The following MFAP3L variants were observed in gnomAD, a reference collection of about 807,000 sequenced individuals.
MFAP3L encodes microfibril associated protein 3 like.
Under a neutral mutation model 20.0 loss-of-function variants are expected in MFAP3L, and 5 were observed. That is an observed-to-expected ratio of 0.25 (90% CI 0.13 to 0.53). The LOEUF is 0.53. Ranked by LOEUF, MFAP3L falls within the 20% of genes least tolerant of loss-of-function variation. The probability of loss-of-function intolerance (pLI) is 0.96; values close to 1 mark genes in which losing one functional copy is unlikely to be tolerated. For synonymous variants in MFAP3L, 219 were observed against 213.0 expected (o/e 1.03, Z -0.25); for missense variants, 409 against 527.5 (o/e 0.78, Z 2.20).
chr4:170,021,347 T>C (rs370482111), intron 1 of MFAP3L, among the ~76,000 whole-genome samples: 6 of 152,368 alleles, frequency 3.9e-5, no homozygotes, highest in East Asian at 3.9e-4. Context: ...CAACCTGGTT[T>C]TTCCCTATTA....
intron 2 of MFAP3L, among the ~76,000 whole-genome samples, chr4:169,999,145 T>C (rs1488552457): frequency 6.6e-6 from 1 of 152,198 alleles, no homozygotes; most frequent in East Asian, 1.9e-4. Context: ...AGGTTATGAA[T>C]CCCAGAAGCT....
intron 1 of MFAP3L, among the ~76,000 whole-genome samples, chr4:170,024,442 C>A (rs1215165603): frequency 6.6e-6 from 1 of 152,162 alleles, no homozygotes; most frequent in African/African-American, 2.4e-5. Flanking sequence ...GGAATGTCAC[C>A]TGAGGATATG....
intron 1 of MFAP3L, among the ~76,000 whole-genome samples, chr4:170,016,280 GATTCACAGCCTCCAT>G (rs1310501549): frequency 2.0e-5 from 3 of 152,310 alleles, no homozygotes; most frequent in African/African-American, 7.2e-5. Context: ...GCCTCTGACA[GATTCACAGCCTCCAT>G]ATCCAACCTC....
chr4:169,988,715 AAGG>A lies in MFAP3L; in HGVS notation c.*2660_*2662del, dbSNP rs1347299227. Reference sequence around the variant, plus strand: ...GATAGGAAGAGTGTAGCATTTTTGGAAGGAGAAATTCCCATTTTAAGTCAACCT... The same window carrying A: ...GATAGGAAGAGTGTAGCATTTTTGGAAGAAATTCCCATTTTAAGTCAACCT... On this transcript the variant is annotated 3_prime_UTR_variant, in exon 3 of 3. Transcript: ENST00000361618. 6.6e-6 allele frequency: 1 copy of A among 152,154 alleles called. No individual in the cohort carries two copies. Among genetic ancestry groups the A allele is most frequent in the Non-Finnish European group, 1.5e-5 (1 of 68,032 alleles). 9.4% of individuals were successfully genotyped at this position (152,154 alleles called of 1,614,324 possible).
intron 1 of MFAP3L, among the ~76,000 whole-genome samples, chr4:170,011,011 A>G (rs1032982570): frequency 2.0e-5 from 3 of 152,178 alleles, no homozygotes; most frequent in Non-Finnish European, 4.4e-5. Flanking sequence ...GGTTTCCACC[A>G]TATTGTTCTT....
chr4:169,996,569 T>C (rs1372555733), intron 2 of MFAP3L, among the ~76,000 whole-genome samples: 6 of 152,048 alleles, frequency 3.9e-5, no homozygotes, highest in African/African-American at 1.2e-4. Flanking sequence ...CCAGATCCGC[T>C]GGCACAGGTA....
intron 1 of MFAP3L, among the ~76,000 whole-genome samples, chr4:170,014,059 C>G (rs1739549482): frequency 6.6e-6 from 1 of 152,186 alleles, no homozygotes; most frequent in Non-Finnish European, 1.5e-5. Context: ...TCACATTTTT[C>G]TTTGATCTTT....
chr4:169,995,988 G>A (rs1738127639), intron 2 of MFAP3L, among the ~76,000 whole-genome samples: 1 of 151,796 alleles, frequency 6.6e-6, no homozygotes, highest in African/African-American at 2.4e-5. Flanking sequence ...CCTGTCCCTT[G>A]AGCAGACTGT....
intron 1 of MFAP3L, among the ~76,000 whole-genome samples, chr4:170,016,198 A>G (rs1238200803): frequency 7.2e-5 from 11 of 152,194 alleles, no homozygotes; most frequent in Non-Finnish European, 5.9e-5. Context: ...AAATTATTAT[A>G]ATGTACATTT....
At chr4:170,022,844 A>C (rs1581531668) in intron 1 of MFAP3L, among the ~76,000 whole-genome samples, 1 of 152,188 alleles carries the variant, frequency 6.6e-6, no homozygotes, top group East Asian at 1.9e-4. Context: ...GGCTTCCCAA[A>C]GGAACAAGGC....
At chr4:170,015,020 G>A (rs1236123405) in intron 1 of MFAP3L, among the ~76,000 whole-genome samples, 3 of 152,178 alleles carry the variant, frequency 2.0e-5, no homozygotes, top group Admixed American at 2.0e-4. Flanking sequence ...TTCACTGCAG[G>A]TCTCCTGCAG....
chr4:170,020,319 T>C (rs966045710), intron 1 of MFAP3L, among the ~76,000 whole-genome samples: 4 of 152,082 alleles, frequency 2.6e-5, no homozygotes, highest in African/African-American at 7.2e-5. Flanking sequence ...AACATATCAA[T>C]CACTGAGTTC....
At chr4:170,016,489 C>G (rs952999708) in intron 1 of MFAP3L, among the ~76,000 whole-genome samples, 6 of 152,198 alleles carry the variant, frequency 3.9e-5, no homozygotes, top group Non-Finnish European at 1.5e-5. Flanking sequence ...TATGTGAAAC[C>G]GTGCCCACCC....
intron 2 of MFAP3L, among the ~76,000 whole-genome samples, chr4:169,999,644 G>A (rs1398064910): frequency 6.6e-6 from 1 of 152,174 alleles, no homozygotes; most frequent in African/African-American, 2.4e-5. Flanking sequence ...GGATCTGGAA[G>A]GGTCTTTTCA....
rs1464738634 is a variant in MFAP3L at position 169,992,702 on chromosome 4, A to G, written c.299-393T>C. Among the ~76,000 whole-genome samples, 1 of 152,222 alleles carries G rather than the reference A, an allele frequency of 6.6e-6. No homozygotes were observed. The highest frequency in any genetic ancestry group is 2.4e-5 in the African/African-American group (1 of 41,464). ...AAAAATGAGAGAAACAATCTGGAAA[A>G]CACTGTGCTCTTATTGAAGAGTTCC... On this transcript the variant is annotated intron_variant, in intron 2 of 2. Coordinates refer to ENST00000361618, the MANE Select transcript of MFAP3L (RefSeq NM_021647.8). This position sits in a 1 kb window ranked among gnomAD's most constrained non-coding sequence, Gnocchi z 4.3.
rs1737534122 is a variant in MFAP3L at position 169,989,832 on chromosome 4, T to A, written c.*1546A>T. 6.6e-6 allele frequency: 1 copy of A among 152,234 alleles called. No individual in the cohort carries two copies. Among genetic ancestry groups the A allele is most frequent in the Non-Finnish European group, 1.5e-5 (1 of 68,038 alleles). 9.4% of individuals were successfully genotyped at this position (152,234 alleles called of 1,614,324 possible). ...TAAAACCACTCATTCTCACCAATAT[T>A]AAATCTTAATTGCAGATGTGGTCCT... On this transcript the variant is annotated 3_prime_UTR_variant, in exon 3 of 3. Transcript: ENST00000361618.
At chr4:170,016,359 G>A (rs1052797025) in intron 1 of MFAP3L, among the ~76,000 whole-genome samples, 1 of 152,114 alleles carries the variant, frequency 6.6e-6, no homozygotes, top group Non-Finnish European at 1.5e-5. Flanking sequence ...ATCCTGAAAT[G>A]GGTAAACCCC....
At chr4:170,014,585 T>A (rs1335282209) in intron 1 of MFAP3L, among the ~76,000 whole-genome samples, 1 of 152,238 alleles carries the variant, frequency 6.6e-6, no homozygotes, top group African/African-American at 2.4e-5. Flanking sequence ...CTGCCCTCTC[T>A]GCAGCCCACA....
chr4:170,020,901 T>C (rs528505913), intron 1 of MFAP3L, among the ~76,000 whole-genome samples: 2 of 152,192 alleles, frequency 1.3e-5, no homozygotes, highest in South Asian at 4.2e-4. Context: ...TTTTTGCACA[T>C]TTGACCCTTC....
Sources: gnomAD v4.1 joint callset for allele counts (sites outside exome capture counted in the v4.1 genomes callset) on GRCh38, gnomAD v4.1.1 for gene constraint, Gnocchi (gnomAD v3.1) non-coding constraint, MANE v1.5 for transcripts, NCBI Gene and HGNC (gene_info 2026-07-23, HGNC 2026-07-21) for gene names.